The following TCOF1 variants were observed in gnomAD, a reference collection of about 807,000 sequenced individuals.
TCOF1 encodes the protein treacle ribosome biogenesis factor 1, also known as treacle protein.
A neutral mutation model predicts 149.0 loss-of-function variants in TCOF1; 33 were observed. The ratio of observed to expected loss-of-function variants is 0.22; its 90% CI spans 0.17 to 0.30. The LOEUF (loss-of-function observed/expected upper bound fraction) is 0.30, where lower values mean the gene tolerates loss of function less well. Among genes scored for constraint, TCOF1 ranks in the 10% least tolerant of loss-of-function variants. TCOF1 has a pLI of 1.00. For missense variants in TCOF1, 1,728 were observed against 1,840.7 expected (o/e 0.94, Z 1.12); for synonymous variants, 789 against 738.8 (o/e 1.07, Z -1.10).
At chr5:150,362,669 T>C (rs1280025397) in intron 2 of TCOF1, among the ~76,000 whole-genome samples, 1 of 152,174 alleles carries the variant, frequency 6.6e-6, no homozygotes, top group Non-Finnish European at 1.5e-5. Flanking sequence ...GATTACAGCC[T>C]CTGGTGGAGA....
Position 150,375,728 on chromosome 5 carries a change from C to G in TCOF1, c.1712C>G (p.Ser571Cys). 6.2e-6 allele frequency: 10 copies of G among 1,614,266 alleles called. No homozygotes were observed. Among genetic ancestry groups the G allele is most frequent in the Middle Eastern group, 1.6e-4 (1 of 6,062 alleles). The change falls in exon 12 of 27, where the codon TCC becomes TGC. Residue 571 changes from serine to cysteine, a missense_variant. By Grantham distance (112) the Ser-to-Cys change is moderately radical. Transcript: ENST00000643257. The part of the protein sequence containing the change: ...PTAVAPAQEK[S>C]LGNILQAKPT... ...CTGTGTATCTCACTCCAGGAAAAGT[C>G]CTTGGGGAACATCCTCCAGGCCAAA...
At chr5:150,396,036 G>T (rs760539908) in intron 23 of TCOF1, among the ~76,000 whole-genome samples, 7 of 152,048 alleles carry the variant, frequency 4.6e-5, no homozygotes, top group Non-Finnish European at 1.0e-4. Flanking sequence ...CACCCTAACT[G>T]GAGTTTTTAG....
chr5:150,396,943 GAA>G, intron 24 of TCOF1, 101 bp downstream of exon 24: 1 of 1,394,406 alleles, frequency 7.2e-7, no homozygotes, highest in Non-Finnish European at 9.9e-7. Flanking sequence ...CTCCCATGTA[GAA>G]AAGAGAGGCT....
At chr5:150,399,402 G>A (rs530757932) in intron 26 of TCOF1, among the ~76,000 whole-genome samples, 27 of 152,226 alleles carry the variant, frequency 1.8e-4, no homozygotes, top group African/African-American at 6.0e-4. Flanking sequence ...ACTTGTGAGC[G>A]GTTCATTTTC....
At chr5:150,375,983 C>CT in intron 12 of TCOF1, 74 bp downstream of exon 12, 1 of 1,613,860 alleles carries the variant, frequency 6.2e-7, no homozygotes, top group Non-Finnish European at 8.5e-7. Context: ...GGGAGCTGTG[C>CT]TCCCTCAGGC....
Position 150,389,873 on chromosome 5 carries a change from T to C in TCOF1, c.3047-14T>C, listed in dbSNP as rs760480699. 6.2e-7 allele frequency: 1 copy of C among 1,614,198 alleles called. No individual in the cohort carries two copies. Among genetic ancestry groups the C allele is most frequent in the South Asian group, 1.1e-5 (1 of 91,088 alleles). ...TTTTGTGCCCTGATGTGCCCCCATC[T>C]CGCTCCATTTCAGGCATCAGAACCA... On this transcript the variant is annotated splice_polypyrimidine_tract_variant and intron_variant, in intron 18 of 26. Coordinates refer to ENST00000643257, the MANE Select transcript of TCOF1 (RefSeq NM_001371623.1).
chr5:150,379,446 ATGTAACACCTT>A, intron 16 of TCOF1, 38 bp downstream of exon 16: 1 of 1,613,990 alleles, frequency 6.2e-7, no homozygotes, highest in Non-Finnish European at 8.5e-7. Flanking sequence ...CCTACATGGG[ATGTAACACCTT>A]TGCCACATCC....
At chr5:150,397,183 A>G (rs1768753977) in intron 24 of TCOF1, among the ~76,000 whole-genome samples, 1 of 144,736 alleles carries the variant, frequency 6.9e-6, no homozygotes, top group African/African-American at 2.5e-5. Context: ...AAGGCTGAGA[A>G]GTGGTTTGTC....
intron 4 of TCOF1, 75 bp from the exon 5 acceptor site, chr5:150,368,641 G>A (rs145450821): frequency 6.4e-7 from 1 of 1,558,718 alleles, no homozygotes; most frequent in Non-Finnish European, 8.8e-7. Flanking sequence ...GTAAGATTGG[G>A]TTCAGATGCA....
intron 1 of TCOF1, 68 bp from the exon 2 acceptor site, chr5:150,361,088 A>C: frequency 6.2e-7 from 1 of 1,605,256 alleles, no homozygotes. Flanking sequence ...GTTTGGGGAG[A>C]TCTGGGCCCA....
intron 17 of TCOF1, chr5:150,384,196 C>T: frequency 9.9e-7 from 1 of 1,007,808 alleles, no homozygotes; most frequent in South Asian, 4.5e-5. Context: ...ATAGGGTGCT[C>T]ACTGCCTCTC....
intron 3 of TCOF1, among the ~76,000 whole-genome samples, chr5:150,365,449 A>G (rs1033070850): frequency 6.6e-6 from 1 of 152,086 alleles, no homozygotes; most frequent in African/African-American, 2.4e-5. Context: ...GTAGAAGAGC[A>G]TATAGAAGAA....
chr5:150,383,701 T>C (rs745848021), intron 17 of TCOF1: 2 of 1,548,998 alleles, frequency 1.3e-6, no homozygotes, highest in South Asian at 2.4e-5. Context: ...CAAACGCTGG[T>C]CCCCTGGCTC....
chr5:150,378,363 A>T (rs551620687), intron 14 of TCOF1, among the ~76,000 whole-genome samples: 1 of 151,562 alleles, frequency 6.6e-6, no homozygotes, highest in Non-Finnish European at 1.5e-5. Context: ...GGTTCTCTGG[A>T]TATCGGTTAA....
At position 150,392,055 on chromosome 5, in the gene TCOF1, G is replaced by C. The variant is rs889827559; in HGVS notation, c.3396G>C (p.Glu1132Asp). 1 of 1,614,110 alleles carries C rather than the reference G, an allele frequency of 6.2e-7. No homozygotes were observed. The highest frequency in any genetic ancestry group is 1.3e-5 in the African/African-American group (1 of 74,936). ...AGCTCAGAAAACCTAAGCTTCCTGA[G>C]GTCCAGCAGGCCACCAAAGCCCCTG... ...TNKLRKPKLP[E>D]VQQATKAPES... The change falls in exon 21 of 27, where the codon GAG (glutamate) becomes GAC (aspartate). Residue 1132 changes from glutamate to aspartate, a missense_variant. Around this residue, in one of 2 missense-constraint regions of TCOF1, gnomAD observed 1,696 missense variants for 1,765.4 expected, o/e 0.96. Coordinates refer to ENST00000643257, the MANE Select transcript of TCOF1 (RefSeq NM_001371623.1).
intron 3 of TCOF1, among the ~76,000 whole-genome samples, chr5:150,364,530 C>T (rs967636873): frequency 5.3e-5 from 8 of 152,150 alleles, no homozygotes; most frequent in Non-Finnish European, 1.2e-4. Context: ...TTACAGGCTC[C>T]CAGGTGATTC....
At position 150,386,692 on chromosome 5, in the gene TCOF1, C is replaced by T. The variant is rs75564941; in HGVS notation, c.2860-1210C>T. On this transcript the variant is annotated intron_variant, in intron 17 of 26. Coordinates refer to ENST00000643257, the MANE Select transcript of TCOF1 (RefSeq NM_001371623.1). ...TTCCTGCCCTCCAGCTCTTCACTGG[C>T]CAGAGAGGGAGCAGAGCTCAAACCA... Among the ~76,000 whole-genome samples, 446 of 152,300 alleles carry T rather than the reference C, an allele frequency of 2.9e-3. 1 individual carries two copies. The highest frequency in any genetic ancestry group is 0.01 in the African/African-American group (436 of 41,564).
chr5:150,361,045 C>G, intron 1 of TCOF1, 111 bp from the exon 2 acceptor site: 2 of 1,437,724 alleles, frequency 1.4e-6, no homozygotes. Flanking sequence ...CAAAAAGACC[C>G]TCTTCTGAAC....
chr5:150,391,690 C>T (rs191006428), intron 20 of TCOF1, 33 bp downstream of exon 20: 74 of 1,589,980 alleles, frequency 4.7e-5, no homozygotes, highest in African/African-American at 1.9e-4. Flanking sequence ...AGCAAGCCCA[C>T]GGAGCGTAGA....
Sources: allele counts gnomAD v4.1 joint callset (sites outside exome capture counted in the v4.1 genomes callset), GRCh38; gene constraint gnomAD v4.1.1; regional missense constraint gnomAD v4.1.1; transcripts MANE v1.5; gene names NCBI Gene and HGNC (gene_info 2026-07-23, HGNC 2026-07-21).